Variants in PTH1R observed in about 807,000 individuals in gnomAD.
PTH1R encodes parathyroid hormone 1 receptor.
In PTH1R, 32 loss-of-function variants were observed where a neutral mutation model predicts 70.7. The ratio of observed to expected loss-of-function variants is 0.45; its 90% confidence interval spans 0.34 to 0.61. The LOEUF (loss-of-function observed/expected upper bound fraction) is 0.61, where lower values mean the gene tolerates loss of function less well. PTH1R is among the 20% of genes least tolerant of loss of function. PTH1R has a pLI of 0.01. For synonymous variants in PTH1R, 329 were observed against 324.8 expected, an observed-to-expected ratio of 1.01 and a Z score of -0.14; for missense variants, 626 against 792.5, an observed-to-expected ratio of 0.79 and a Z score of 2.52.
chr3:46,893,988 A>G lies in PTH1R; in HGVS notation c.157A>G (p.Lys53Glu), dbSNP rs960888191. Residue 53 changes from lysine (K) to glutamate (E), a missense_variant, in exon 4 of 16, where the codon AAG becomes GAG. Around this residue, in one of 3 missense-constraint regions of PTH1R, gnomAD observed 123 missense variants for 125.7 expected, o/e 0.98. Transcript: ENST00000449590. The surrounding 1 kb of genome is among the most constrained non-coding windows in gnomAD (Gnocchi z 5.2). ...TCAGGCCCAGTGCGAAAAACGGCTC[A>G]AGGAGGTCCTGCAGAGGCCAGGTGG... ...RAQAQCEKRL[K>E]EVLQRPASIM... The G allele has an allele frequency of 9.9e-6, 16 of 1,613,962 alleles. No homozygotes were observed. The African/African-American group carries it at 1.5e-4, about 15-fold the overall frequency.
At position 46,896,422 on chromosome 3, in the gene PTH1R, G is replaced by A. The variant is rs920593235; in HGVS notation, c.313+553G>A. On this transcript the variant is annotated intron_variant, in intron 5 of 15. Transcript: ENST00000449590. The surrounding 1 kb of genome is among the most constrained non-coding windows in gnomAD (Gnocchi z 4.1). ...GGGGCCAGAGGCAGTGGGACAAGGAGGGGAGAAGAGAAGGGAGGGAAGCAG... is the reference window on the plus strand; with the variant it reads ...GGGGCCAGAGGCAGTGGGACAAGGAAGGGAGAAGAGAAGGGAGGGAAGCAG... 2.0e-5 allele frequency among the ~76,000 whole-genome samples: 3 copies of A among 152,170 alleles called. No individual in the cohort carries two copies. The highest frequency in any genetic ancestry group is 4.4e-5 in the Non-Finnish European group (3 of 68,030).
Position 46,901,052 on chromosome 3 carries a change from G to A in PTH1R, c.1016G>A (p.Trp339Ter), listed in dbSNP as rs760037270. 6.3e-7 allele frequency: 1 copy of A among 1,584,746 alleles called. No individual in the cohort carries two copies. Among genetic ancestry groups the A allele is most frequent in the East Asian group, 2.3e-5 (1 of 44,108 alleles). Residue 339 changes from tryptophan (W) to a stop codon, truncating the protein, a stop_gained, in exon 11 of 16, where the codon TGG becomes TAG. Coordinates refer to ENST00000449590, the MANE Select transcript of PTH1R (RefSeq NM_000316.3). LOFTEE classifies it high-confidence loss of function. The surrounding 1 kb of genome is among the most constrained non-coding windows in gnomAD (Gnocchi z 7.3). Reference sequence around the variant, plus strand: ...CTGCCCGCTGTCTTCGTGGCTGTGTGGGTCAGTGTCAGAGCTACCCTGGCC... The same window carrying A: ...CTGCCCGCTGTCTTCGTGGCTGTGTAGGTCAGTGTCAGAGCTACCCTGGCC... ...WGLPAVFVAV[W>*]VSVRATLANT...
rs2031489614 is a variant in PTH1R, at chr3:46,892,595, G to A, written c.76-1312G>A. On this transcript the variant is annotated intron_variant, in intron 3 of 15. Transcript: ENST00000449590. The surrounding 1 kb of genome is among the most constrained non-coding windows in gnomAD (Gnocchi z 5.2). ...GCCCTCGCTGCTGCCGCCAAGAGACGCGGTCAATTAACTTCTCCCTGCAGC... is the reference window on the plus strand; with the variant it reads ...GCCCTCGCTGCTGCCGCCAAGAGACACGGTCAATTAACTTCTCCCTGCAGC... 6.8e-6 allele frequency: 2 copies of A among 294,206 alleles called. No individual in the cohort carries two copies. The highest frequency in any genetic ancestry group is 1.0e-5 in the Non-Finnish European group (2 of 195,806). 18.2% of individuals were successfully genotyped at this position (294,206 alleles called of 1,614,324 possible). A position where few individuals can be genotyped will look rare whatever the true frequency, so the allele number is the denominator to read the frequency against.
intron 10 of PTH1R, among the ~76,000 whole-genome samples, chr3:46,900,084 G>A (rs775490505): frequency 2.0e-5 from 3 of 152,328 alleles, no homozygotes; most frequent in East Asian, 3.9e-4. Flanking sequence ...GCTGGGCTCC[G>A]GGACAACTGG....
At position 46,885,862 on chromosome 3, in the gene PTH1R, A is replaced by G. The variant is rs116087703; in HGVS notation, c.75+2228A>G. The stretch of plus-strand genomic sequence containing the variant: ...ACTGCCCCCCTTTAGATCTGCACCT[A>G]TGCCCCTCAAGCCCACCAACCTTAT... On this transcript the variant is annotated intron_variant, in intron 3 of 15. Transcript: ENST00000449590. 9.3e-3 allele frequency among the ~76,000 whole-genome samples: 1,422 copies of G among 152,170 alleles called. 20 individuals carry two copies. The highest frequency in any genetic ancestry group is 0.032 in the African/African-American group (1,343 of 41,528).
chr3:46,880,736 G>A (rs2030499672), intron 1 of PTH1R, among the ~76,000 whole-genome samples: 1 of 150,480 alleles, frequency 6.6e-6, no homozygotes, highest in Non-Finnish European at 1.5e-5. Flanking sequence ...TGAAGAAGAA[G>A]AAGAAGGAGA....
At chr3:46,885,943 G>T (rs1324508385) in intron 3 of PTH1R, among the ~76,000 whole-genome samples, 1 of 152,170 alleles carries the variant, frequency 6.6e-6, no homozygotes, top group Admixed American at 6.5e-5. Context: ...CCAAGACCAG[G>T]CTCACATCTC....
At chr3:46,900,519 A>G (rs570223259) in intron 10 of PTH1R, among the ~76,000 whole-genome samples, 1 of 152,238 alleles carries the variant, frequency 6.6e-6, no homozygotes, top group South Asian at 2.1e-4. Context: ...GCAGGCCAGG[A>G]CATACTGACA....
intron 10 of PTH1R, 130 bp downstream of exon 10, chr3:46,899,586 T>C: frequency 8.1e-7 from 1 of 1,227,866 alleles, no homozygotes; most frequent in Non-Finnish European, 1.1e-6. Context: ...GAGAGAGGCC[T>C]GCCGCCCTTC....
intron 1 of PTH1R, among the ~76,000 whole-genome samples, chr3:46,880,613 A>G (rs2030490162): frequency 1.3e-5 from 2 of 152,096 alleles, no homozygotes; most frequent in South Asian, 4.1e-4. Flanking sequence ...GGTGGTACAC[A>G]CCTGTAGTCC....
chr3:46,878,565 C>T (rs1452898510), intron 1 of PTH1R, among the ~76,000 whole-genome samples: 1 of 152,194 alleles, frequency 6.6e-6, no homozygotes, highest in Non-Finnish European at 1.5e-5. Context: ...AATATAAGGA[C>T]TCAGAAATAG....
intron 3 of PTH1R, among the ~76,000 whole-genome samples, chr3:46,888,150 G>A (rs2031158543): frequency 6.6e-6 from 1 of 152,142 alleles, no homozygotes; most frequent in Non-Finnish European, 1.5e-5. Flanking sequence ...TTTCACCTTT[G>A]CTTGGATAGG....
intron 3 of PTH1R, among the ~76,000 whole-genome samples, chr3:46,886,221 G>C (rs2031011188): frequency 1.3e-5 from 2 of 152,244 alleles, no homozygotes; most frequent in Non-Finnish European, 2.9e-5. Flanking sequence ...AGAAGCTGGA[G>C]CTCAGCATGG....
chr3:46,898,741 A>C lies in PTH1R; in HGVS notation c.718A>C (p.Lys240Gln). 6.2e-7 allele frequency: 1 copy of C among 1,610,066 alleles called. No individual in the cohort carries two copies. The highest frequency in any genetic ancestry group is 8.5e-7 in the Non-Finnish European group (1 of 1,179,432). ...FMLRAVSIFV[K>Q]DAVLYSGATL... ...GCTGCGCGCCGTGAGCATCTTCGTC[A>C]AGGACGCTGTGCTCTACTCTGGCGC... The change falls in exon 9 of 16, where the codon AAG becomes CAG. Residue 240 changes from lysine (K) to glutamine (Q), a missense_variant. Physicochemically the swap from Lys to Gln is moderately conservative, Grantham distance 53. Coordinates refer to ENST00000449590, the MANE Select transcript of PTH1R (RefSeq NM_000316.3).
intron 5 of PTH1R, among the ~76,000 whole-genome samples, 197 bp from the exon 6 acceptor site, chr3:46,897,658 G>C (rs996689785): frequency 6.6e-6 from 1 of 152,208 alleles, no homozygotes; most frequent in Non-Finnish European, 1.5e-5. Context: ...TTGAACCTGG[G>C]AGGCGGAGGT....
intron 1 of PTH1R, among the ~76,000 whole-genome samples, 164 bp from the exon 2 acceptor site, chr3:46,880,898 T>G (rs2030516049): frequency 6.6e-6 from 1 of 152,204 alleles, no homozygotes; most frequent in African/African-American, 2.4e-5. Context: ...AGATTTGCAC[T>G]GAGGGTTGGA....
rs1358743627 is a variant in PTH1R at position 46,901,186 on chromosome 3, G to A, written c.1049+101G>A. The stretch of plus-strand genomic sequence containing the variant: ...GCCTCCTGTACCCTGGCCTCAAACG[G>A]CCCAGCCTCAGGAGTTCTCAGTCCA... On this transcript the variant is annotated intron_variant, in intron 11 of 15. Coordinates refer to ENST00000449590, the MANE Select transcript of PTH1R (RefSeq NM_000316.3). This position sits in a 1 kb window ranked among gnomAD's most constrained non-coding sequence, Gnocchi z 7.3. 6 of 1,435,354 alleles carry A rather than the reference G, an allele frequency of 4.2e-6. No homozygotes were observed. The highest frequency in any genetic ancestry group is 2.8e-5 in the African/African-American group (2 of 70,582). The allele number at this position is 1,435,354 out of a possible 1,614,324, so 88.9% of individuals were successfully genotyped here.
In PTH1R at chr3:46,891,191, G is replaced by A. The variant is rs913518385; in HGVS notation, c.76-2716G>A. 6.6e-6 allele frequency among the ~76,000 whole-genome samples: 1 copy of A among 152,276 alleles called. No homozygotes were observed. The highest frequency in any genetic ancestry group is 1.5e-5 in the Non-Finnish European group (1 of 68,052). ...ATGAATGAAGGAGTGTGGGAGTCATGCGTGCTGGAAGCACATATCTTTCCC... is the reference window on the plus strand; with the variant it reads ...ATGAATGAAGGAGTGTGGGAGTCATACGTGCTGGAAGCACATATCTTTCCC... On this transcript the variant is annotated intron_variant, in intron 3 of 15. Coordinates refer to ENST00000449590, the MANE Select transcript of PTH1R (RefSeq NM_000316.3). This position sits in a 1 kb window ranked among gnomAD's most constrained non-coding sequence, Gnocchi z 4.3.
At position 46,903,300 on chromosome 3, in the gene PTH1R, C is replaced by G; in HGVS notation, c.1426C>G (p.Arg476Gly). The G allele has an allele frequency of 6.2e-7, 1 of 1,613,288 alleles. No individual in the cohort carries two copies. Among genetic ancestry groups the G allele is most frequent in the Non-Finnish European group, 8.5e-7 (1 of 1,179,994 alleles). ...AGCTGAGATCAAGAAATCTTGGAGC[C>G]GCTGGACACTGGCACTGGACTTCAA... The part of the protein sequence containing the change: ...VQAEIKKSWS[R>G]WTLALDFKRK... The change falls in exon 16 of 16, where the codon CGC becomes GGC. Residue 476 changes from arginine to glycine, a missense_variant. Arg to Gly is a moderately radical substitution (Grantham distance 125). Around this residue, in one of 3 missense-constraint regions of PTH1R, gnomAD observed 495 missense variants for 638.7 expected, o/e 0.77. Transcript: ENST00000449590. The surrounding 1 kb of genome is among the most constrained non-coding windows in gnomAD (Gnocchi z 4.4).
Sources: gnomAD v4.1 joint callset for allele counts (sites outside exome capture counted in the v4.1 genomes callset) on GRCh38, gnomAD v4.1.1 for gene constraint, gnomAD v4.1.1 regional missense constraint, Gnocchi (gnomAD v3.1) non-coding constraint, MANE v1.5 for transcripts, NCBI Gene and HGNC (gene_info 2026-07-23, HGNC 2026-07-21) for gene names.